The following EFCAB8 variants were observed in gnomAD, a reference collection of about 807,000 sequenced individuals.
EFCAB8 encodes the protein EF-hand calcium-binding domain-containing protein 8.
In EFCAB8, 100 loss-of-function variants were observed where a neutral mutation model predicts 116.3. The ratio of observed to expected loss-of-function variants is 0.86; its 90% CI spans 0.73 to 1.02. EFCAB8 has a LOEUF of 1.02. Among genes scored for constraint, EFCAB8 ranks in the 50% least tolerant of loss-of-function variants. The pLI is 0.00. For synonymous variants in EFCAB8, 558 were observed against 567.9 expected (o/e 0.98, Z 0.25); for missense variants, 1,320 against 1,416.9 (o/e 0.93, Z 1.10).
intron 22 of EFCAB8, among the ~76,000 whole-genome samples, chr20:32,937,267 A>C (rs76656637): frequency 1.0e-3 from 154 of 152,298 alleles, no homozygotes; most frequent in Non-Finnish European, 1.7e-3. Context: ...AGCATGAGCC[A>C]CTGCCCACTG....
At position 32,961,778 on chromosome 20, in the gene EFCAB8, T is replaced by A. The variant is rs11167190; in HGVS notation, c.*169T>A. 2.9e-4 allele frequency among the ~76,000 whole-genome samples: 44 copies of A among 152,232 alleles called. No homozygotes were observed. The highest frequency in any genetic ancestry group is 6.0e-4 in the African/African-American group (25 of 41,538). On this transcript the variant is annotated 3_prime_UTR_variant, in exon 27 of 27. Coordinates refer to ENST00000400522, the MANE Select transcript of EFCAB8 (RefSeq NM_001143967.2). ...CTGTCTCCTAATCTTGTCTTCTCTC[T>A]GGCCCCGCACAGAGCCCTGGGGCAG... is the stretch of plus-strand genomic sequence containing the variant.
intron 23 of EFCAB8, among the ~76,000 whole-genome samples, chr20:32,945,145 T>A (rs766780400): frequency 3.3e-5 from 5 of 151,958 alleles, no homozygotes; most frequent in Non-Finnish European, 7.4e-5. Context: ...CTAGAATTTC[T>A]GTTATTTTTA....
intron 23 of EFCAB8, among the ~76,000 whole-genome samples, chr20:32,951,178 T>C (rs1286209284): frequency 6.6e-6 from 1 of 152,218 alleles, no homozygotes; most frequent in Non-Finnish European, 1.5e-5. Context: ...ATGATATGAA[T>C]CAGCTGTTCC....
At chr20:32,955,601 G>A (rs938317000) in intron 23 of EFCAB8, among the ~76,000 whole-genome samples, 1 of 152,120 alleles carries the variant, frequency 6.6e-6, no homozygotes, top group African/African-American at 2.4e-5. Flanking sequence ...CTCAGTATTC[G>A]AGAGTCCTGT....
intron 23 of EFCAB8, among the ~76,000 whole-genome samples, chr20:32,958,073 T>C (rs1288237238): frequency 6.6e-6 from 1 of 152,086 alleles, no homozygotes; most frequent in African/African-American, 2.4e-5. Context: ...ATCTGATGGG[T>C]GTCTGACCGT....
intron 20 of EFCAB8, among the ~76,000 whole-genome samples, chr20:32,930,191 C>T (rs754507801): frequency 1.5e-4 from 23 of 152,230 alleles, no homozygotes; most frequent in Non-Finnish European, 3.2e-4. Flanking sequence ...AAAAAAGACG[C>T]AAAATCCCTG....
intron 1 of EFCAB8, among the ~76,000 whole-genome samples, chr20:32,859,945 AGTT>A (rs1984018792): frequency 6.6e-6 from 1 of 152,088 alleles, no homozygotes; most frequent in Non-Finnish European, 1.5e-5. Flanking sequence ...CATTGCCTTT[AGTT>A]GTTGGGTCTC....
rs1278935638 is a variant in EFCAB8, at chr20:32,885,523, G to A, written c.450G>A (p.Val150=). ...CCCACAGGAACCATGGCTGTGAGGT[G>A]GTGAAGGTGGTGTTTTTAATCCACC... ...TVVPLNHGCE[V]VKVVFLIHRF... is the part of the protein sequence containing the mutation. Residue 150 remains valine, a synonymous_variant, in exon 6 of 27, where the codon GTG becomes GTA. Coordinates refer to ENST00000400522, the MANE Select transcript of EFCAB8 (RefSeq NM_001143967.2). The A allele has an allele frequency of 3.9e-6, 6 of 1,551,750 alleles. No individual in the cohort carries two copies. The highest frequency in any genetic ancestry group is 3.6e-5 in the South Asian group (3 of 84,052).
At chr20:32,908,685 C>A (rs1986790497) in intron 14 of EFCAB8, among the ~76,000 whole-genome samples, 1 of 152,250 alleles carries the variant, frequency 6.6e-6, no homozygotes, top group Admixed American at 6.5e-5. Context: ...GGGAGCCACC[C>A]TGAACGTCAG....
intron 23 of EFCAB8, among the ~76,000 whole-genome samples, chr20:32,955,793 T>G (rs1988949107): frequency 6.6e-6 from 1 of 152,176 alleles, no homozygotes. Context: ...AAATGCTGCC[T>G]GCCCATGTAA....
chr20:32,955,014 TC>T (rs10706429), intron 23 of EFCAB8, among the ~76,000 whole-genome samples: 152,316 of 152,318 alleles, frequency 1, 76,157 homozygotes, highest in Non-Finnish European at 1. Flanking sequence ...ACATCTATCC[TC>T]CCCATGAGTA....
chr20:32,913,126 A>G (rs1987020668), intron 17 of EFCAB8, among the ~76,000 whole-genome samples: 1 of 152,166 alleles, frequency 6.6e-6, no homozygotes, highest in African/African-American at 2.4e-5. Context: ...TATCTATTTC[A>G]GTGGGGGAAT....
At chr20:32,930,087 G>A (rs576094461) in intron 20 of EFCAB8, among the ~76,000 whole-genome samples, 3 of 152,186 alleles carry the variant, frequency 2.0e-5, no homozygotes, top group African/African-American at 2.4e-5. Flanking sequence ...AGCCTATGTC[G>A]AATCAAACTT....
At chr20:32,920,353 G>A in intron 20 of EFCAB8, 138 bp downstream of exon 20, 1 of 1,198,276 alleles carries the variant, frequency 8.3e-7, no homozygotes, top group East Asian at 2.6e-5. Flanking sequence ...ATCTTGGAGA[G>A]GATGGAGACG....
At chr20:32,928,085 T>C (rs1477499816) in intron 20 of EFCAB8, among the ~76,000 whole-genome samples, 2 of 152,242 alleles carry the variant, frequency 1.3e-5, no homozygotes, top group Non-Finnish European at 2.9e-5. Context: ...ATGTTTGTCT[T>C]TTGGTAACTG....
intron 10 of EFCAB8, among the ~76,000 whole-genome samples, chr20:32,897,670 C>T (rs1482665781): frequency 1.3e-5 from 2 of 152,088 alleles, no homozygotes; most frequent in Non-Finnish European, 2.9e-5. Context: ...ACCTTGGCCT[C>T]CCAAAGTGCT....
At chr20:32,927,620 G>A (rs1019776426) in intron 20 of EFCAB8, among the ~76,000 whole-genome samples, 2 of 152,176 alleles carry the variant, frequency 1.3e-5, no homozygotes, top group Non-Finnish European at 2.9e-5. Context: ...GCTGGGATTA[G>A]AGGCGAGAGC....
intron 22 of EFCAB8, among the ~76,000 whole-genome samples, chr20:32,932,496 C>G (rs1987946907): frequency 3.9e-5 from 6 of 152,136 alleles, no homozygotes. Flanking sequence ...AGTCTAAGTC[C>G]CATTCCTGTT....
intron 22 of EFCAB8, among the ~76,000 whole-genome samples, chr20:32,939,121 CTTTCTCTTTCTTTCTT>C (rs1988253782): frequency 3.5e-5 from 4 of 114,924 alleles, no homozygotes; most frequent in African/African-American, 1.0e-4. Flanking sequence ...TTCTCTCTTT[CTTTCTCTTTCTTTCTT>C]TCTTTCTTTC....
Sources: allele counts gnomAD v4.1 joint callset (sites outside exome capture counted in the v4.1 genomes callset), GRCh38; gene constraint gnomAD v4.1.1; transcripts MANE v1.5; gene names NCBI Gene and HGNC (gene_info 2026-07-23, HGNC 2026-07-21).